The following MORN5 variants were observed in gnomAD, a reference collection of about 807,000 sequenced individuals.
The protein encoded by MORN5 is MORN repeat-containing protein 5.
In MORN5, 21 loss-of-function variants were observed where a neutral mutation model predicts 22.1. The ratio of observed to expected loss-of-function variants is 0.95; its 90% CI spans 0.67 to 1.37. The LOEUF (loss-of-function observed/expected upper bound fraction) is 1.37, where lower values mean the gene tolerates loss of function less well. Among genes scored for constraint, MORN5 ranks in the 40% most tolerant of loss-of-function variants. The pLI is 0.00. For missense variants in MORN5, 211 were observed against 215.1 expected (o/e 0.98, Z 0.12); for synonymous variants, 73 against 74.0 (o/e 0.99, Z 0.07).
chr9:122,167,054 C>G (rs531297639), intron 2 of MORN5, 139 bp downstream of exon 2: 14 of 724,140 alleles, frequency 1.9e-5, no homozygotes, highest in South Asian at 2.6e-5. Context: ...CCACTCCCCC[C>G]ACTTTTTTTT....
At chr9:122,162,004 T>C (rs938565517) in intron 1 of MORN5, among the ~76,000 whole-genome samples, 2 of 152,230 alleles carry the variant, frequency 1.3e-5, no homozygotes, top group African/African-American at 4.8e-5. Flanking sequence ...TGGACATGTG[T>C]TGTTCTGTAC....
chr9:122,188,186 G>A (rs1829680193), intron 4 of MORN5, among the ~76,000 whole-genome samples: 1 of 152,234 alleles, frequency 6.6e-6, no homozygotes, highest in African/African-American at 2.4e-5. Flanking sequence ...TTCAGACGGT[G>A]AGGAGTAAAG....
At chr9:122,174,372 G>T in intron 3 of MORN5, 124 bp from the exon 4 acceptor site, 7 of 1,073,650 alleles carry the variant, frequency 6.5e-6, no homozygotes, top group South Asian at 1.5e-5. Context: ...TGAGTAGGGG[G>T]TATTTAGTTC....
At chr9:122,175,331 T>G in intron 4 of MORN5, 1 of 373,208 alleles carries the variant, frequency 2.7e-6, no homozygotes, top group Non-Finnish European at 3.7e-6. Flanking sequence ...GAAGGTTGGT[T>G]CATCCTTTAG....
At chr9:122,164,565 G>C in intron 1 of MORN5, 1 of 985,494 alleles carries the variant, frequency 1.0e-6, no homozygotes. Context: ...AGGAGGTGCT[G>C]CTTAGGGGAG....
chr9:122,189,921 A>C (rs1829723439), intron 4 of MORN5, among the ~76,000 whole-genome samples: 1 of 152,112 alleles, frequency 6.6e-6, no homozygotes, highest in South Asian at 2.1e-4. Flanking sequence ...AAAGTTTTTA[A>C]AAATAAGAAG....
intron 4 of MORN5, among the ~76,000 whole-genome samples, chr9:122,184,159 A>G (rs1377329862): frequency 6.6e-6 from 1 of 152,194 alleles, no homozygotes; most frequent in Non-Finnish European, 1.5e-5. Flanking sequence ...CTGTTTGACA[A>G]TGAGGAAACA....
intron 3 of MORN5, among the ~76,000 whole-genome samples, chr9:122,172,672 G>A (rs1829383433): frequency 6.6e-6 from 1 of 152,168 alleles, no homozygotes; most frequent in South Asian, 2.1e-4. Context: ...TGGATCGTGA[G>A]TGTTCAGCTC....
chr9:122,167,353 CTTTTTTTTTT>C (rs61672512), intron 2 of MORN5, among the ~76,000 whole-genome samples: 2 of 104,550 alleles, frequency 1.9e-5, no homozygotes, highest in Admixed American at 2.4e-4. Context: ...CGCACCTGAC[CTTTTTTTTTT>C]TTTTTTTTTT....
chr9:122,191,604 C>T (rs1261378930), intron 4 of MORN5, among the ~76,000 whole-genome samples: 4 of 152,228 alleles, frequency 2.6e-5, no homozygotes, highest in African/African-American at 9.6e-5. Context: ...TCTTCCCTTC[C>T]CTACTCCCCA....
At chr9:122,179,940 A>T (rs1048677483) in intron 4 of MORN5, among the ~76,000 whole-genome samples, 1 of 152,228 alleles carries the variant, frequency 6.6e-6, no homozygotes, top group Non-Finnish European at 1.5e-5. Context: ...ATCCCAGAGT[A>T]AACACAGGGG....
intron 4 of MORN5, among the ~76,000 whole-genome samples, chr9:122,184,557 A>T (rs1469692169): frequency 6.6e-6 from 1 of 152,256 alleles, no homozygotes; most frequent in Non-Finnish European, 1.5e-5. Context: ...GAAGAACTAG[A>T]TCTACTGATA....
At chr9:122,165,276 C>A (rs568155029) in intron 1 of MORN5, among the ~76,000 whole-genome samples, 1 of 151,362 alleles carries the variant, frequency 6.6e-6, no homozygotes, top group East Asian at 1.9e-4. Context: ...AGAAACTGGT[C>A]AGCCCAGTGC....
chr9:122,167,265 C>A (rs1453342289), intron 2 of MORN5, among the ~76,000 whole-genome samples: 1 of 151,012 alleles, frequency 6.6e-6, no homozygotes, highest in Non-Finnish European at 1.5e-5. Flanking sequence ...CCAGGATGGT[C>A]TCAGTCTCTT....
intron 3 of MORN5, among the ~76,000 whole-genome samples, chr9:122,170,297 A>AG (rs1366205426): frequency 2.9e-5 from 3 of 104,368 alleles, no homozygotes; most frequent in Admixed American, 9.0e-5. Context: ...CTCTGGTCTC[A>AG]GAAAAAAAAA....
intron 4 of MORN5, among the ~76,000 whole-genome samples, chr9:122,188,301 A>G (rs1829682064): frequency 6.6e-6 from 1 of 152,194 alleles, no homozygotes; most frequent in Admixed American, 6.5e-5. Flanking sequence ...TGAGCTGGGT[A>G]AGCTCGGGAA....
chr9:122,174,369 G>A (rs1272535491), intron 3 of MORN5, 127 bp from the exon 4 acceptor site: 22 of 1,043,500 alleles, frequency 2.1e-5, no homozygotes, highest in East Asian at 4.8e-5. Flanking sequence ...CCCTGAGTAG[G>A]GGGTATTTAG....
At chr9:122,175,311 T>G in intron 4 of MORN5, 3 of 243,646 alleles carry the variant, frequency 1.2e-5, no homozygotes, top group Non-Finnish European at 2.0e-5. Flanking sequence ...AGTGATCCCT[T>G]GAGGTGCAAG....
chr9:122,174,884 A>G, intron 4 of MORN5: 5 of 1,283,662 alleles, frequency 3.9e-6, no homozygotes, highest in Non-Finnish European at 4.0e-6. Context: ...GGATTAAGGT[A>G]CTTATTTTTG....
Sources: allele counts gnomAD v4.1 joint callset (sites outside exome capture counted in the v4.1 genomes callset), GRCh38; gene constraint gnomAD v4.1.1; transcripts MANE v1.5; gene names NCBI Gene and HGNC (gene_info 2026-07-23, HGNC 2026-07-21).